The following GRIP2 variants were observed in gnomAD, a reference collection of about 807,000 sequenced individuals.
GRIP2 encodes glutamate receptor interacting protein 2.
In GRIP2, 58 loss-of-function variants were observed where a neutral mutation model predicts 108.3. That is an observed-to-expected ratio of 0.54 (90% confidence interval 0.43 to 0.67). The LOEUF is 0.67. Ranked by LOEUF, GRIP2 falls within the 30% of genes least tolerant of loss-of-function variation. The pLI, the probability that GRIP2 is intolerant of heterozygous loss-of-function variation, is 0.00. For synonymous variants in GRIP2, 586 were observed against 598.2 expected (o/e 0.98, Z 0.30); for missense variants, 1,278 against 1,430.6 (o/e 0.89, Z 1.72).
At chr3:14,565,623 G>A in the GRIP2 span, among the ~76,000 whole-genome samples, 1 of 152,192 alleles carries the variant, frequency 6.6e-6, no homozygotes, top group Non-Finnish European at 1.5e-5. Flanking sequence ...GATGAGAAGG[G>A]GCTGTGTAAA....
chr3:14,574,181 G>A, the GRIP2 span: 1 of 888,672 alleles, frequency 1.1e-6, no homozygotes, highest in South Asian at 1.3e-5. Context: ...GCAAGTGCAC[G>A]AAGGTGAGCC....
chr3:14,576,173 C>A, the GRIP2 span, among the ~76,000 whole-genome samples: 4 of 152,182 alleles, frequency 2.6e-5, no homozygotes, highest in African/African-American at 9.7e-5. Flanking sequence ...ACCAGGAACC[C>A]CAGGCAGATA....
the GRIP2 span, among the ~76,000 whole-genome samples, chr3:14,581,249 T>C: frequency 6.6e-6 from 1 of 152,226 alleles, no homozygotes; most frequent in Non-Finnish European, 1.5e-5. Flanking sequence ...GCTCCCACAG[T>C]GGACATCAGC....
At chr3:14,519,329 C>T (rs1398643367) in intron 9 of GRIP2, among the ~76,000 whole-genome samples, 2 of 152,214 alleles carry the variant, frequency 1.3e-5, no homozygotes, top group African/African-American at 2.4e-5. Flanking sequence ...AGACTCCTTC[C>T]TCACCCTCCA....
At chr3:14,544,626 CAA>C (rs147878320), upstream of GRIP2, among the ~76,000 whole-genome samples, 1,150 of 152,302 alleles carry the variant, frequency 7.6e-3, 7 homozygotes, top group Middle Eastern at 0.02. Flanking sequence ...AATTCAAGGA[CAA>C]GAGAGATAAA....
At chr3:14,589,744 C>T in the GRIP2 span, among the ~76,000 whole-genome samples, 18 of 150,528 alleles carry the variant, frequency 1.2e-4, no homozygotes, top group African/African-American at 3.9e-4. Context: ...TCAGCCTCTA[C>T]TTCCCCCACA....
chr3:14,532,352 C>T (rs1480871499), intron 1 of GRIP2, among the ~76,000 whole-genome samples: 5 of 152,128 alleles, frequency 3.3e-5, no homozygotes, highest in African/African-American at 7.2e-5. Flanking sequence ...AGGACTCAGT[C>T]TGGGCCAGCG....
chr3:14,510,240 G>A (rs986677154), intron 16 of GRIP2, among the ~76,000 whole-genome samples: 1 of 150,500 alleles, frequency 6.6e-6, no homozygotes, highest in Non-Finnish European at 1.5e-5. Flanking sequence ...GAAGCAAAGG[G>A]AACCCCGATC....
chr3:14,547,037 G>A (rs1695068780), upstream of GRIP2, among the ~76,000 whole-genome samples: 1 of 152,158 alleles, frequency 6.6e-6, no homozygotes, highest in South Asian at 2.1e-4. Context: ...GGTGACCTGG[G>A]ACTCCATCCT....
chr3:14,581,627 ATAT>A, the GRIP2 span, among the ~76,000 whole-genome samples: 1 of 152,220 alleles, frequency 6.6e-6, no homozygotes, highest in African/African-American at 2.4e-5. Context: ...AGGTAGAATG[ATAT>A]AAGTCTGGAG....
intron 21 of GRIP2, among the ~76,000 whole-genome samples, chr3:14,500,025 A>G (rs1693724996): frequency 6.6e-6 from 1 of 152,240 alleles, no homozygotes; most frequent in African/African-American, 2.4e-5. Context: ...GAAAAATAAG[A>G]AAATAAAAAG....
chr3:14,585,111 G>A, the GRIP2 span, among the ~76,000 whole-genome samples: 60 of 152,132 alleles, frequency 3.9e-4, no homozygotes, highest in Non-Finnish European at 8.4e-4. Context: ...TGCAAGCTTT[G>A]CCTCCCGGGT....
intron 9 of GRIP2, 88 bp from the exon 10 acceptor site, chr3:14,517,985 C>A: frequency 7.1e-7 from 1 of 1,407,806 alleles, no homozygotes. Context: ...ACCAGAAGAT[C>A]CTCGTGCTTC....
the GRIP2 span, among the ~76,000 whole-genome samples, chr3:14,596,326 G>A: frequency 2.0e-5 from 3 of 152,332 alleles, no homozygotes; most frequent in East Asian, 3.9e-4. Flanking sequence ...AAGGGAGTGC[G>A]TTTGACCCTT....
At chr3:14,569,620 G>A in the GRIP2 span, among the ~76,000 whole-genome samples, 1 of 152,192 alleles carries the variant, frequency 6.6e-6, no homozygotes, top group Non-Finnish European at 1.5e-5. Context: ...TTGTTTCCCA[G>A]CCAGTGTGGG....
At chr3:14,526,707 G>A (rs969205463) in intron 1 of GRIP2, among the ~76,000 whole-genome samples, 27 of 152,058 alleles carry the variant, frequency 1.8e-4, no homozygotes, top group Non-Finnish European at 3.7e-4. Context: ...TATTTTCCAT[G>A]TCTTCTTTAT....
intron 1 of GRIP2, among the ~76,000 whole-genome samples, chr3:14,549,521 C>A (rs1236055700): frequency 1.3e-5 from 2 of 152,232 alleles, no homozygotes; most frequent in Non-Finnish European, 2.9e-5. Flanking sequence ...TCTGGGGCCA[C>A]TTCCTGGAGG....
Position 14,511,397 on chromosome 3 carries a change from G to T in GRIP2, c.1787+16C>A. Reference sequence around the variant, plus strand: ...TGCTGTTGGCCACTTCCCTTCCTGTGCCCCAGTGCCCCTACCTGTGTGCCA... The same window carrying T: ...TGCTGTTGGCCACTTCCCTTCCTGTTCCCCAGTGCCCCTACCTGTGTGCCA... On this transcript the variant is annotated intron_variant, in intron 15 of 23. Coordinates refer to ENST00000621039, the MANE Select transcript of GRIP2 (RefSeq NM_001080423.4). This position sits in a 1 kb window ranked among gnomAD's most constrained non-coding sequence, Gnocchi z 4.1. 2 of 1,613,968 alleles carry T rather than the reference G, an allele frequency of 1.2e-6. No homozygotes were observed. The highest frequency in any genetic ancestry group is 1.7e-6 in the Non-Finnish European group (2 of 1,179,858).
chr3:14,504,263 G>C (rs1693853609), intron 20 of GRIP2, among the ~76,000 whole-genome samples: 1 of 151,626 alleles, frequency 6.6e-6, no homozygotes, highest in Admixed American at 6.6e-5. Flanking sequence ...AATTACAAAG[G>C]CCTCAACGGT....
Sources: gnomAD v4.1 joint callset for allele counts (sites outside exome capture counted in the v4.1 genomes callset) on GRCh38, gnomAD v4.1.1 for gene constraint, Gnocchi (gnomAD v3.1) non-coding constraint, MANE v1.5 for transcripts, NCBI Gene and HGNC (gene_info 2026-07-23, HGNC 2026-07-21) for gene names.